ICA1: variants seen among roughly 807,000 people sequenced by gnomAD.
The protein encoded by ICA1 is 69 kDa islet cell autoantigen.
Under a neutral mutation model 71.0 loss-of-function variants are expected in ICA1, and 40 were observed. The observed-to-expected ratio is 0.56, with a 90% confidence interval of 0.44 to 0.73. The LOEUF is 0.73. ICA1 is among the 30% of genes least tolerant of loss of function. ICA1 has a pLI of 0.00. For missense variants in ICA1, 578 were observed against 576.5 expected, an observed-to-expected ratio of 1.00 and a Z score of -0.03; for synonymous variants, 207 against 209.5, an observed-to-expected ratio of 0.99 and a Z score of 0.10.
intron 6 of ICA1, among the ~76,000 whole-genome samples, chr7:8,198,628 A>T (rs1788498789): frequency 6.6e-6 from 1 of 152,230 alleles, no homozygotes; most frequent in East Asian, 1.9e-4. Context: ...AAGAGCCGAG[A>T]TGACAGACTT....
chr7:8,144,730 G>T lies in ICA1; in HGVS notation c.805-758C>A, dbSNP rs959160001. Among the ~76,000 whole-genome samples, 3 of 151,956 alleles carry T rather than the reference G, an allele frequency of 2.0e-5. No homozygotes were observed. The highest frequency in any genetic ancestry group is 7.3e-5 in the African/African-American group (3 of 41,372). On this transcript the variant is annotated intron_variant, in intron 8 of 13. Transcript: ENST00000402384. This position sits in a 1 kb window ranked among gnomAD's most constrained non-coding sequence, Gnocchi z 4.5. ...CAAAACATTTCTAGAACTGAATAAT[G>T]ATTTATACAAAAAGATCTCTATTTC...
chr7:8,124,162 C>T (rs1788140870), intron 13 of ICA1, among the ~76,000 whole-genome samples: 1 of 147,362 alleles, frequency 6.8e-6, no homozygotes, highest in Non-Finnish European at 1.5e-5. Context: ...GCTCTGTCGC[C>T]CAGGCTGGAG....
chr7:8,119,875 G>A (rs528060700), intron 13 of ICA1, among the ~76,000 whole-genome samples: 2 of 152,226 alleles, frequency 1.3e-5, no homozygotes, highest in South Asian at 4.1e-4. Context: ...GAGGACCCAG[G>A]AATACAAATT....
chr7:8,208,244 G>A (rs994840641), intron 6 of ICA1, among the ~76,000 whole-genome samples: 1 of 152,142 alleles, frequency 6.6e-6, no homozygotes, highest in Admixed American at 6.5e-5. Flanking sequence ...ACCGAAGTCT[G>A]TTTGTAAAGA....
intron 6 of ICA1, among the ~76,000 whole-genome samples, chr7:8,203,793 C>T (rs937402522): frequency 1.1e-4 from 16 of 152,154 alleles, no homozygotes; most frequent in East Asian, 3.8e-4. Context: ...TCAACAGTGA[C>T]AGGCTTTAAA....
chr7:8,182,693 G>A (rs919796010), intron 6 of ICA1, among the ~76,000 whole-genome samples: 2 of 152,110 alleles, frequency 1.3e-5, no homozygotes, highest in Non-Finnish European at 2.9e-5. Context: ...ATGACCAGCA[G>A]ATCTAACACT....
chr7:8,124,654 A>G (rs1436493105), intron 13 of ICA1, among the ~76,000 whole-genome samples: 1 of 152,186 alleles, frequency 6.6e-6, no homozygotes, highest in African/African-American at 2.4e-5. Context: ...GTGTGGCAGA[A>G]GCTGAATGGT....
At chr7:8,199,381 A>T (rs1435165016) in intron 6 of ICA1, among the ~76,000 whole-genome samples, 1 of 152,200 alleles carries the variant, frequency 6.6e-6, no homozygotes, top group Non-Finnish European at 1.5e-5. Flanking sequence ...AAAATGTGGT[A>T]CTTATACACA....
rs149489424 is a variant in ICA1, at chr7:8,133,000, T to G, written c.1061-4858A>C. ...ACTCATGCTGATATTTAAACCCTAG[T>G]GCGGCAGCTTGAGAGGTGCGGCCTT... is the stretch of plus-strand genomic sequence containing the variant. On this transcript the variant is annotated intron_variant, in intron 12 of 13. Transcript: ENST00000402384. The surrounding 1 kb of genome is among the most constrained non-coding windows in gnomAD (Gnocchi z 4.5). Among the ~76,000 whole-genome samples, 2 of 152,346 alleles carry G rather than the reference T, an allele frequency of 1.3e-5. No homozygotes were observed. The highest frequency in any genetic ancestry group is 4.8e-5 in the African/African-American group (2 of 41,574).
At chr7:8,180,530 T>C (rs1042050146) in intron 6 of ICA1, among the ~76,000 whole-genome samples, 2 of 152,176 alleles carry the variant, frequency 1.3e-5, no homozygotes, top group African/African-American at 2.4e-5. Context: ...TCCTTGAGTA[T>C]ATGCCTTAAA....
At chr7:8,231,351 G>C (rs1800225983) in intron 3 of ICA1, among the ~76,000 whole-genome samples, 1 of 152,092 alleles carries the variant, frequency 6.6e-6, no homozygotes, top group Non-Finnish European at 1.5e-5. Flanking sequence ...GCTTTGCTAT[G>C]TACTAGAGAT....
intron 13 of ICA1, among the ~76,000 whole-genome samples, chr7:8,122,966 C>G (rs374614291): frequency 6.6e-6 from 1 of 152,132 alleles, no homozygotes; most frequent in Admixed American, 6.5e-5. Context: ...TTGAGAACAT[C>G]GACTCTGAGG....
intron 3 of ICA1, 47 bp downstream of exon 3, chr7:8,232,543 T>C: frequency 6.5e-7 from 1 of 1,541,592 alleles, no homozygotes; most frequent in Non-Finnish European, 8.7e-7. Context: ...AGGACCTTGA[T>C]CCTAGCAAGG....
At chr7:8,232,140 TCTAA>T (rs1445341366) in intron 3 of ICA1, among the ~76,000 whole-genome samples, 1 of 152,342 alleles carries the variant, frequency 6.6e-6, no homozygotes. Context: ...TGTTAACTAG[TCTAA>T]CTAAATATCT....
At chr7:8,258,473 T>C (rs181596247) in intron 1 of ICA1, among the ~76,000 whole-genome samples, 1 of 152,228 alleles carries the variant, frequency 6.6e-6, no homozygotes, top group Admixed American at 6.5e-5. Context: ...GGACAAGGAG[T>C]TACCACTAAT....
At chr7:8,175,555 C>T (rs1780345071) in intron 6 of ICA1, among the ~76,000 whole-genome samples, 2 of 152,104 alleles carry the variant, frequency 1.3e-5, no homozygotes, top group Admixed American at 6.5e-5. Context: ...ATAAACCACA[C>T]ATGCAGCTGA....
At chr7:8,199,940 G>A (rs572859339) in intron 6 of ICA1, among the ~76,000 whole-genome samples, 1 of 152,206 alleles carries the variant, frequency 6.6e-6, no homozygotes, top group East Asian at 1.9e-4. Flanking sequence ...AGGGAAGTCG[G>A]GATGGCTAAT....
At chr7:8,260,016 C>T (rs1019840880) in intron 1 of ICA1, among the ~76,000 whole-genome samples, 1 of 151,994 alleles carries the variant, frequency 6.6e-6, no homozygotes, top group Non-Finnish European at 1.5e-5. Flanking sequence ...ACACTAGTGA[C>T]CAGCGTGCTG....
chr7:8,138,812 T>C (rs377004243), intron 12 of ICA1, 28 bp downstream of exon 12: 1 of 1,521,116 alleles, frequency 6.6e-7, no homozygotes, highest in Non-Finnish European at 9.1e-7. Context: ...AAACAAATCA[T>C]AATCCCAAAG....
Sources: allele counts gnomAD v4.1 joint callset (sites outside exome capture counted in the v4.1 genomes callset), GRCh38; gene constraint gnomAD v4.1.1; non-coding constraint Gnocchi (gnomAD v3.1); transcripts MANE v1.5; gene names NCBI Gene and HGNC (gene_info 2026-07-23, HGNC 2026-07-21).